The following DPH6 variants were observed in gnomAD, a reference collection of about 807,000 sequenced individuals.
The protein encoded by DPH6 is diphthamine biosynthesis 6.
DPH6 carries 33 observed loss-of-function variants against 38.2 expected under a neutral mutation model. The observed-to-expected ratio is 0.86, with a 90% confidence interval of 0.65 to 1.15. The LOEUF is 1.15. Among genes scored for constraint, DPH6 ranks in the 50% most tolerant of loss-of-function variants. The probability of loss-of-function intolerance (pLI) is 0.00; values close to 1 mark genes in which losing one functional copy is unlikely to be tolerated. For synonymous variants in DPH6, 108 were observed against 103.0 expected (o/e 1.05, Z -0.30); for missense variants, 325 against 320.0 (o/e 1.02, Z -0.12).
chr15:35,392,761 TAA>T (rs2053077566), intron 6 of DPH6, among the ~76,000 whole-genome samples: 1 of 152,154 alleles, frequency 6.6e-6, no homozygotes, highest in Non-Finnish European at 1.5e-5. Flanking sequence ...AAAAGGAAGC[TAA>T]AAGTCTTCTC....
chr15:35,296,996 C>G (rs1028782327), intron 3 of DPH6, among the ~76,000 whole-genome samples: 5 of 152,142 alleles, frequency 3.3e-5, no homozygotes, highest in African/African-American at 9.7e-5. Flanking sequence ...AGTCCATAGC[C>G]TGATGAGCCC....
chr15:35,149,311 C>T, the DPH6 span, among the ~76,000 whole-genome samples: 1 of 152,174 alleles, frequency 6.6e-6, no homozygotes, highest in South Asian at 2.1e-4. Context: ...CATCTCGGCT[C>T]ACTGCAACCT....
the DPH6 span, among the ~76,000 whole-genome samples, chr15:35,153,993 G>C: frequency 6.6e-6 from 1 of 152,122 alleles, no homozygotes; most frequent in South Asian, 2.1e-4. Flanking sequence ...GTTCATACTT[G>C]AGTGGTTCAT....
chr15:35,538,182 A>G, intron 3 of DPH6, 92 bp downstream of exon 3: 1 of 1,197,716 alleles, frequency 8.3e-7, no homozygotes, highest in Non-Finnish European at 1.1e-6. Flanking sequence ...GCTACTAACA[A>G]TTGCAAATTA....
rs143762982 is a variant in DPH6 at position 35,463,812 on chromosome 15, C to G, written c.313-8992G>C. On this transcript the variant is annotated intron_variant, in intron 3 of 8. Coordinates refer to ENST00000256538, the MANE Select transcript of DPH6 (RefSeq NM_080650.4). The stretch of plus-strand genomic sequence containing the variant: ...GATATATATATATACACATTCATCT[C>G]TTATCCCATGTGCTGGTAAGCTGTC... 1.1e-4 allele frequency among the ~76,000 whole-genome samples: 16 copies of G among 152,242 alleles called. 1 individual carries two copies. The highest frequency in any genetic ancestry group is 2.9e-4 in the African/African-American group (12 of 41,550).
intron 3 of DPH6, among the ~76,000 whole-genome samples, chr15:35,339,296 T>C (rs2052402055): frequency 6.6e-6 from 1 of 151,270 alleles, no homozygotes; most frequent in Admixed American, 6.6e-5. Context: ...AAGAACTTCT[T>C]CATTTCTGCC....
chr15:35,244,591 T>A (rs1411428140), intron 3 of DPH6, among the ~76,000 whole-genome samples: 1 of 152,246 alleles, frequency 6.6e-6, no homozygotes, highest in Non-Finnish European at 1.5e-5. Flanking sequence ...AGTTAATGCT[T>A]ATAAGGTGGT....
At chr15:35,230,699 T>C (rs1357710310) in intron 3 of DPH6, among the ~76,000 whole-genome samples, 5 of 152,170 alleles carry the variant, frequency 3.3e-5, no homozygotes, top group Admixed American at 6.5e-5. Flanking sequence ...TATTCAGGGC[T>C]CAAGGGATCT....
intron 3 of DPH6, among the ~76,000 whole-genome samples, chr15:35,353,595 T>A (rs191217822): frequency 1.3e-5 from 2 of 152,228 alleles, no homozygotes; most frequent in Non-Finnish European, 2.9e-5. Context: ...GTTGTAGATA[T>A]GTGGCGTTAT....
In DPH6 at chr15:35,427,282, T is replaced by C. The variant is rs2053581569; in HGVS notation, c.506-16386A>G. Among the ~76,000 whole-genome samples the C allele has an allele frequency of 2.0e-5, 3 of 151,840 alleles. 1 individual carries two copies. In the South Asian group the frequency reaches 6.2e-4, roughly 31 times the overall value. On this transcript the variant is annotated intron_variant, in intron 5 of 8. Coordinates refer to ENST00000256538, the MANE Select transcript of DPH6 (RefSeq NM_080650.4). ...TAGAGAGCAATCTCCTAGGAGGAAA[T>C]AATAGAGCAACTTGAGAAATTCCAC...
At chr15:35,146,298 C>T in the DPH6 span, among the ~76,000 whole-genome samples, 1 of 152,116 alleles carries the variant, frequency 6.6e-6, no homozygotes, top group South Asian at 2.1e-4. Flanking sequence ...TATATTTGAC[C>T]ACAGAATGTA....
intron 3 of DPH6, among the ~76,000 whole-genome samples, chr15:35,259,204 G>C (rs951487115): frequency 6.6e-6 from 1 of 150,822 alleles, no homozygotes; most frequent in African/African-American, 2.4e-5. Flanking sequence ...TTCCCTTCTC[G>C]AATTCTGTAA....
chr15:35,401,002 A>G, intron 6 of DPH6: 1 of 920,858 alleles, frequency 1.1e-6, no homozygotes, highest in Non-Finnish European at 1.8e-6. Context: ...ACTGTGAAAA[A>G]GACATTTGTT....
At chr15:35,354,642 T>G (rs949062945) in intron 3 of DPH6, among the ~76,000 whole-genome samples, 6 of 152,188 alleles carry the variant, frequency 3.9e-5, no homozygotes, top group Non-Finnish European at 8.8e-5. Context: ...CACTTGATCA[T>G]GGTGGATAAG....
At chr15:35,363,524 C>G (rs2052631335) in intron 3 of DPH6, among the ~76,000 whole-genome samples, 1 of 151,932 alleles carries the variant, frequency 6.6e-6, no homozygotes, top group Non-Finnish European at 1.5e-5. Flanking sequence ...TTAGTGGTGT[C>G]TCTTTCAAAG....
intron 3 of DPH6, among the ~76,000 whole-genome samples, chr15:35,282,128 T>C (rs1243255673): frequency 1.3e-5 from 2 of 152,214 alleles, no homozygotes; most frequent in Non-Finnish European, 2.9e-5. Context: ...TCGTTGTTTG[T>C]TTTTGCTACT....
intron 3 of DPH6, among the ~76,000 whole-genome samples, chr15:35,523,270 A>G (rs1483971917): frequency 7.7e-6 from 1 of 129,636 alleles, no homozygotes; most frequent in Admixed American, 8.4e-5. Context: ...GGTCATTTGA[A>G]TGTACTTCTC....
chr15:35,326,414 A>C (rs1320491041), downstream of DPH6, among the ~76,000 whole-genome samples: 2 of 151,978 alleles, frequency 1.3e-5, no homozygotes, highest in Non-Finnish European at 2.9e-5. Flanking sequence ...AAAATTAGCC[A>C]AATAATCTTT....
At chr15:35,483,133 G>A (rs1367508679) in intron 3 of DPH6, among the ~76,000 whole-genome samples, 1 of 151,982 alleles carries the variant, frequency 6.6e-6, no homozygotes, top group Non-Finnish European at 1.5e-5. Flanking sequence ...TATATAAAAA[G>A]ATACTCAGCA....
Sources: gnomAD v4.1 joint callset for allele counts (sites outside exome capture counted in the v4.1 genomes callset) on GRCh38, gnomAD v4.1.1 for gene constraint, MANE v1.5 for transcripts, NCBI Gene and HGNC (gene_info 2026-07-23, HGNC 2026-07-21) for gene names.